ZNF606: variants seen among roughly 807,000 people sequenced by gnomAD.
ZNF606 encodes the protein zinc finger protein 328.
Under a neutral mutation model 74.9 loss-of-function variants are expected in ZNF606, and 37 were observed. The ratio of observed to expected loss-of-function variants is 0.49; its 90% confidence interval spans 0.38 to 0.65. The LOEUF (loss-of-function observed/expected upper bound fraction) is 0.65. ZNF606 is among the 30% of genes least tolerant of loss of function. ZNF606 has a pLI of 0.00. For missense variants in ZNF606, 852 were observed against 952.9 expected (o/e 0.89, Z 1.39); for synonymous variants, 328 against 312.4 (o/e 1.05, Z -0.53).
In ZNF606 at chr19:57,977,904, A is replaced by C. The variant is rs1399236561; in HGVS notation, c.*397T>G. ...GTTTTCCATCCAGTACTCCAGCTTG[A>C]TGCAAAACAGTGTATTTCCAGTCAA... is the stretch of plus-strand genomic sequence containing the variant. On this transcript the variant is annotated 3_prime_UTR_variant, in exon 7 of 7. Transcript: ENST00000551380. 2 of 158,934 alleles carry C rather than the reference A, an allele frequency of 1.3e-5. No individual in the cohort carries two copies. Among genetic ancestry groups the C allele is most frequent in the African/African-American group, 4.8e-5 (2 of 41,666 alleles). The allele number at this position is 158,934 out of a possible 1,614,324, so 9.8% of individuals were successfully genotyped here.
Position 57,978,236 on chromosome 19 carries a change from T to C in ZNF606, c.*65A>G, listed in dbSNP as rs1273874154. On this transcript the variant is annotated 3_prime_UTR_variant, in exon 7 of 7. Transcript: ENST00000551380. This position sits in a 1 kb window ranked among gnomAD's most constrained non-coding sequence, Gnocchi z 4.4. The stretch of plus-strand genomic sequence containing the variant: ...CTTAATGAAAAATGTCCCCTCTTGA[T>C]TATGTTTATAGGGTTTTCCTCAATG... The C allele has an allele frequency of 1.7e-5, 25 of 1,453,038 alleles. No homozygotes were observed. The highest frequency in any genetic ancestry group is 2.3e-5 in the Non-Finnish European group (25 of 1,090,274). The allele number at this position is 1,453,038 out of a possible 1,614,324, so 90.0% of individuals were successfully genotyped here. A position where few individuals can be genotyped will look rare whatever the true frequency, so the allele number is the denominator to read the frequency against.
rs1437351487 is a variant in ZNF606, at chr19:58,002,771, A to G, written c.-427T>C. The G allele has an allele frequency of 2.2e-6, 1 of 454,078 alleles. No individual in the cohort carries two copies. The highest frequency in any genetic ancestry group is 2.4e-5 in the Admixed American group (1 of 42,414). 28.1% of individuals were successfully genotyped at this position (454,078 alleles called of 1,614,324 possible). On this transcript the variant is annotated 5_prime_UTR_variant, in exon 1 of 7. Coordinates refer to ENST00000551380, the MANE Select transcript of ZNF606 (RefSeq NM_001348022.3). ...TACGGCGGCCCCACAGCCTGAGCAAAGGCCTCACCTCAGCCGCGGACAATG... is the reference window on the plus strand; with the variant it reads ...TACGGCGGCCCCACAGCCTGAGCAAGGGCCTCACCTCAGCCGCGGACAATG...
At chr19:57,988,136 G>A in intron 6 of ZNF606, 71 bp downstream of exon 6, 1 of 1,250,606 alleles carries the variant, frequency 8.0e-7, no homozygotes. Flanking sequence ...AACTCTTCAT[G>A]GCCTTATCCC....
In ZNF606 at chr19:58,000,711, C is replaced by G. The variant is rs146868688; in HGVS notation, c.60G>C (p.Met20Ile). 8.3e-5 allele frequency: 134 copies of G among 1,611,430 alleles called. No homozygotes were observed. The African/African-American group carries it at 1.5e-3, about 18-fold the overall frequency. Residue 20 changes from methionine (M) to isoleucine (I), a missense_variant, in exon 3 of 7, where the codon ATG becomes ATC. Transcript: ENST00000551380. ...AGGAGGCCCATGGGTCAACAGCTGTCATCCCCCAAGATTGGTCCGTAAGGG... is the reference window on the plus strand; with the variant it reads ...AGGAGGCCCATGGGTCAACAGCTGTGATCCCCCAAGATTGGTCCGTAAGGG... ...WGALTDQSWG[M>I]TAVDPWASWA...
rs2123298526 is a variant in ZNF606, at chr19:57,988,241, T to C, written c.366A>G (p.Ser122=). The C allele has an allele frequency of 6.2e-7, 1 of 1,614,094 alleles. No homozygotes were observed. Among genetic ancestry groups the C allele is most frequent in the Admixed American group, 1.7e-5 (1 of 59,990 alleles). ...SLLEQGEEPW[S]VEQACPQRTC... is the part of the protein sequence containing the mutation. Reference sequence around the variant, plus strand: ...TGCGTTGAGGACATGCCTGCTCCACTGACCACGGCTCTTCTCCTTGCTCCA... The same window carrying C: ...TGCGTTGAGGACATGCCTGCTCCACCGACCACGGCTCTTCTCCTTGCTCCA... The change falls in exon 6 of 7, where the codon TCA becomes TCG. Residue 122 remains serine (S), a synonymous_variant. Coordinates refer to ENST00000551380, the MANE Select transcript of ZNF606 (RefSeq NM_001348022.3).
chr19:57,980,691 C>T (rs2073073701), intron 6 of ZNF606, among the ~76,000 whole-genome samples: 1 of 151,934 alleles, frequency 6.6e-6, no homozygotes, highest in Admixed American at 6.6e-5. Context: ...AAAAATTAGC[C>T]AGGTGTGGTG....
At chr19:57,992,226 G>A (rs905514070) in intron 4 of ZNF606, among the ~76,000 whole-genome samples, 14 of 152,178 alleles carry the variant, frequency 9.2e-5, no homozygotes, top group African/African-American at 3.4e-4. Flanking sequence ...GCAGGTGAAA[G>A]GCAGACAGGG....
At position 57,988,836 on chromosome 19, in the gene ZNF606, T is replaced by G. The variant is rs1412707995; in HGVS notation, c.178-115A>C. The G allele has an allele frequency of 4.6e-6, 7 of 1,525,688 alleles. No homozygotes were observed. The African/African-American group carries it at 9.6e-5, about 21-fold the overall frequency. 94.5% of individuals were successfully genotyped at this position (1,525,688 alleles called of 1,614,324 possible). A position where few individuals can be genotyped will look rare whatever the true frequency, so the allele number is the denominator to read the frequency against. On this transcript the variant is annotated intron_variant, in intron 4 of 6. Coordinates refer to ENST00000551380, the MANE Select transcript of ZNF606 (RefSeq NM_001348022.3). ...AAGACAGGATGTAGAGAAACTCTCC[T>G]GGTTATTCAAGAGTCTGACTAATGT...
chr19:58,001,938 TTG>T (rs1297452443), intron 1 of ZNF606: 13 of 340,820 alleles, frequency 3.8e-5, no homozygotes, highest in Admixed American at 1.3e-4. Flanking sequence ...AAGCCTAAGC[TTG>T]TGTGTGTGTG....
intron 3 of ZNF606, 114 bp downstream of exon 3, chr19:58,000,569 G>A (rs1166882458): frequency 9.6e-6 from 11 of 1,146,364 alleles, no homozygotes; most frequent in Non-Finnish European, 1.4e-5. Flanking sequence ...GACAGATCTG[G>A]ACCACCTGCC....
At chr19:57,998,367 AATTAC>A (rs1423386191) in intron 4 of ZNF606, 3 of 152,322 alleles carry the variant, frequency 2.0e-5, no homozygotes, top group African/African-American at 7.2e-5. Flanking sequence ...TTTACATTGT[AATTAC>A]ATTACATTAA....
chr19:58,001,001 G>A (rs1359997207), intron 2 of ZNF606, among the ~76,000 whole-genome samples: 1 of 152,182 alleles, frequency 6.6e-6, no homozygotes, highest in African/African-American at 2.4e-5. Context: ...GAGAGCAGTA[G>A]AGACAATATT....
At position 57,977,154 on chromosome 19, in the gene ZNF606, CT is replaced by C. The variant is rs2073002847; in HGVS notation, c.*1146del. The C allele has an allele frequency of 6.6e-6, 1 of 152,154 alleles. No individual in the cohort carries two copies. Among genetic ancestry groups the C allele is most frequent in the Non-Finnish European group, 1.5e-5 (1 of 68,044 alleles). The allele number at this position is 152,154 out of a possible 1,614,324, so 9.4% of individuals were successfully genotyped here. ...CTGAAGAAAATGGGAAAAAAAATCA[CT>C]GGAGAGGCAGCATAAAATGGTGGCT... is the stretch of plus-strand genomic sequence containing the variant. On this transcript the variant is annotated 3_prime_UTR_variant, in exon 7 of 7. Coordinates refer to ENST00000551380, the MANE Select transcript of ZNF606 (RefSeq NM_001348022.3).
rs367740753 is a variant in ZNF606 at position 57,979,427 on chromosome 19, T to C, written c.1253A>G (p.His418Arg). 3.5e-5 allele frequency: 56 copies of C among 1,613,938 alleles called. No homozygotes were observed. The Admixed American group carries it at 6.5e-4, about 19-fold the overall frequency. Reference protein sequence around the residue: ...SFIWSSYLIQHKKTHTGEKPY... With the variant: ...SFIWSSYLIQRKKTHTGEKPY... Reference sequence around the variant, plus strand: ...TTTTTCTCCAGTATGAGTTTTCTTATGTTGAATAAGGTAAGAGCTCCAGAT... The same window carrying C: ...TTTTTCTCCAGTATGAGTTTTCTTACGTTGAATAAGGTAAGAGCTCCAGAT... Residue 418 changes from histidine (H) to arginine (R), a missense_variant, in exon 7 of 7, where the codon CAT becomes CGT. Transcript: ENST00000551380.
chr19:57,997,931 A>C (rs1160032256), intron 4 of ZNF606: 1 of 152,196 alleles, frequency 6.6e-6, no homozygotes, highest in Non-Finnish European at 1.5e-5. Context: ...TCTGCTTCCC[A>C]TCTCACCTGG....
intron 4 of ZNF606, among the ~76,000 whole-genome samples, chr19:57,990,461 G>A (rs1460389663): frequency 6.7e-6 from 1 of 150,290 alleles, no homozygotes; most frequent in African/African-American, 2.5e-5. Flanking sequence ...GATAGCTTGG[G>A]CCCAGGAGGT....
rs1250208121 is a variant in ZNF606 at position 58,002,512 on chromosome 19, C to G, written c.-168G>C. On this transcript the variant is annotated 5_prime_UTR_variant, in exon 1 of 7. Transcript: ENST00000551380. ...TCCGGCCCAGGAGTGCGCTTGGGAG[C>G]TCCCGGCGCGGCCTCGGGGACAAAG... The G allele has an allele frequency of 4.6e-6, 2 of 438,732 alleles. No homozygotes were observed. Among genetic ancestry groups the G allele is most frequent in the South Asian group, 3.2e-5 (2 of 62,332 alleles). The allele number at this position is 438,732 out of a possible 1,614,324, so 27.2% of individuals were successfully genotyped here.
At position 57,980,348 on chromosome 19, in the gene ZNF606, A is replaced by AT. The variant is rs2073066032; in HGVS notation, c.401-70dup. On this transcript the variant is annotated intron_variant, in intron 6 of 6. Coordinates refer to ENST00000551380, the MANE Select transcript of ZNF606 (RefSeq NM_001348022.3). ...ATTAGAATAAAGTGGGAATGGTGAG[A>AT]TTTACTGTCCATATTATCAAAAACA... The AT allele has an allele frequency of 4.8e-6, 7 of 1,464,802 alleles. No individual in the cohort carries two copies. In the South Asian group the frequency reaches 9.5e-5, roughly 20 times the overall value. 90.7% of individuals were successfully genotyped at this position (1,464,802 alleles called of 1,614,324 possible). A position where few individuals can be genotyped will look rare whatever the true frequency, so the allele number is the denominator to read the frequency against.
At chr19:57,987,511 C>T (rs1039379938) in intron 6 of ZNF606, among the ~76,000 whole-genome samples, 1 of 151,936 alleles carries the variant, frequency 6.6e-6, no homozygotes, top group African/African-American at 2.4e-5. Context: ...TTGTTTGGTA[C>T]CCACAAGATC....
Sources: gnomAD v4.1 joint callset for allele counts (sites outside exome capture counted in the v4.1 genomes callset) on GRCh38, gnomAD v4.1.1 for gene constraint, Gnocchi (gnomAD v3.1) non-coding constraint, MANE v1.5 for transcripts, NCBI Gene and HGNC (gene_info 2026-07-23, HGNC 2026-07-21) for gene names.